The following RNLS variants were observed in gnomAD, a reference collection of about 807,000 sequenced individuals.
RNLS encodes the protein renalase, FAD dependent amine oxidase, also known as renalase.
RNLS carries 39 observed loss-of-function variants against 39.8 expected under a neutral mutation model. That is an observed-to-expected ratio of 0.98 (90% CI 0.76 to 1.28). RNLS has a LOEUF of 1.28. RNLS is among the 50% of genes most tolerant of loss of function. The pLI, the probability that RNLS is intolerant of heterozygous loss-of-function variation, is 0.00. For missense variants in RNLS, 410 were observed against 413.3 expected, an observed-to-expected ratio of 0.99 and a Z score of 0.07; for synonymous variants, 147 against 150.7, an observed-to-expected ratio of 0.98 and a Z score of 0.18.
intron 5 of RNLS, among the ~76,000 whole-genome samples, chr10:88,323,802 G>A (rs551103775): frequency 3.0e-4 from 46 of 152,188 alleles, no homozygotes; most frequent in African/African-American, 9.4e-4. Context: ...TTTACAGAAT[G>A]GGAGACAATA....
chr10:88,251,169 T>C, the RNLS span, among the ~76,000 whole-genome samples: 1 of 152,194 alleles, frequency 6.6e-6, no homozygotes, highest in Non-Finnish European at 1.5e-5. Context: ...ACGGGCAGAA[T>C]GATGCCTCTA....
chr10:88,453,725 G>A (rs915652921), intron 4 of RNLS, among the ~76,000 whole-genome samples: 7 of 152,162 alleles, frequency 4.6e-5, no homozygotes, highest in African/African-American at 1.7e-4. Flanking sequence ...CTGTTAACTA[G>A]CATTTTAGAA....
chr10:88,401,117 T>C (rs1852890554), intron 4 of RNLS, among the ~76,000 whole-genome samples: 1 of 151,932 alleles, frequency 6.6e-6, no homozygotes, highest in Admixed American at 6.6e-5. Flanking sequence ...ATGGTTGCCA[T>C]TGATTTGTAA....
At chr10:88,431,150 G>A (rs1428270216) in intron 4 of RNLS, among the ~76,000 whole-genome samples, 1 of 151,640 alleles carries the variant, frequency 6.6e-6, no homozygotes, top group Non-Finnish European at 1.5e-5. Context: ...AATTTCTTTA[G>A]TAGGTCTAGG....
intron 4 of RNLS, among the ~76,000 whole-genome samples, chr10:88,471,319 T>C (rs1440974053): frequency 4.7e-4 from 72 of 152,326 alleles, no homozygotes; most frequent in Admixed American, 4.6e-3. Context: ...GCCTTGGGTG[T>C]GGATTTCTAC....
At chr10:88,505,370 G>T (rs571158345) in intron 4 of RNLS, among the ~76,000 whole-genome samples, 30 of 148,916 alleles carry the variant, frequency 2.0e-4, no homozygotes, top group African/African-American at 7.3e-4. Flanking sequence ...TAGAGGAAGA[G>T]AGAGAAAGAG....
At position 88,476,773 on chromosome 10, in the gene RNLS, A is replaced by G. The variant is rs571592533; in HGVS notation, c.526+96130T>C. ...CAAATTCTTTTCATTATCTCTTTTT[A>G]AAAAACCTTCATGAAAGGGTTGAGA... On this transcript the variant is annotated intron_variant, in intron 4 of 6. Transcript: ENST00000331772. Among the ~76,000 whole-genome samples the G allele has an allele frequency of 2.6e-5, 4 of 152,280 alleles. No individual in the cohort carries two copies. The East Asian group carries it at 5.8e-4, about 22-fold the overall frequency.
chr10:88,370,928 GT>G (rs1487356471), intron 4 of RNLS, among the ~76,000 whole-genome samples: 1 of 152,128 alleles, frequency 6.6e-6, no homozygotes, highest in African/African-American at 2.4e-5. Context: ...TAGAAGCACA[GT>G]TTTAGAAATA....
the RNLS span, among the ~76,000 whole-genome samples, chr10:88,220,551 C>T: frequency 2.6e-3 from 402 of 152,266 alleles, 1 homozygote; most frequent in African/African-American, 9.2e-3. Context: ...AACAAGTTTA[C>T]GTAAAATCTT....
At chr10:88,357,554 C>T (rs2133339638) in intron 5 of RNLS, among the ~76,000 whole-genome samples, 1 of 152,296 alleles carries the variant, frequency 6.6e-6, no homozygotes, top group African/African-American at 2.4e-5. Context: ...TTATCATTCA[C>T]ACAGGTATAA....
chr10:88,488,815 T>C (rs1040962559), intron 4 of RNLS, among the ~76,000 whole-genome samples: 2 of 152,170 alleles, frequency 1.3e-5, no homozygotes, highest in Non-Finnish European at 2.9e-5. Context: ...ATTAAAATGT[T>C]TGAAGGAGGA....
chr10:88,312,312 T>G (rs1438769094), intron 6 of RNLS, among the ~76,000 whole-genome samples: 2 of 152,138 alleles, frequency 1.3e-5, no homozygotes, highest in Non-Finnish European at 2.9e-5. Context: ...GGTCTCAAGC[T>G]GAGGAATGTG....
chr10:88,353,503 C>G (rs556435326), intron 5 of RNLS, among the ~76,000 whole-genome samples: 1 of 152,294 alleles, frequency 6.6e-6, no homozygotes, highest in South Asian at 2.1e-4. Flanking sequence ...TGTTCAGTTT[C>G]CATGTAGTTG....
intron 4 of RNLS, among the ~76,000 whole-genome samples, chr10:88,431,735 T>A (rs1161109455): frequency 6.6e-6 from 1 of 151,734 alleles, no homozygotes; most frequent in African/African-American, 2.4e-5. Context: ...CTTGAGCTAT[T>A]TGGAAGTATG....
At chr10:88,537,126 G>A (rs1016651572) in intron 4 of RNLS, among the ~76,000 whole-genome samples, 1 of 152,150 alleles carries the variant, frequency 6.6e-6, no homozygotes, top group Non-Finnish European at 1.5e-5. Flanking sequence ...GAGGAATCCA[G>A]TAGCTATTTT....
intron 4 of RNLS, among the ~76,000 whole-genome samples, chr10:88,368,995 T>C (rs1336833201): frequency 6.6e-6 from 1 of 152,156 alleles, no homozygotes; most frequent in Admixed American, 6.5e-5. Flanking sequence ...ATTCTTCATA[T>C]GACTAAAAGC....
the RNLS span, among the ~76,000 whole-genome samples, chr10:88,250,161 T>G: frequency 6.6e-6 from 1 of 152,248 alleles, no homozygotes; most frequent in Admixed American, 6.5e-5. Context: ...TTCTAATCAC[T>G]TTGTTTCTCT....
chr10:88,225,508 G>A, the RNLS span, among the ~76,000 whole-genome samples: 7 of 152,188 alleles, frequency 4.6e-5, no homozygotes, highest in Admixed American at 6.5e-5. Flanking sequence ...AAGTCCAGGA[G>A]TTTGAGACCA....
chr10:88,427,887 TC>T (rs1160330455), intron 4 of RNLS, among the ~76,000 whole-genome samples: 1 of 151,930 alleles, frequency 6.6e-6, no homozygotes, highest in Non-Finnish European at 1.5e-5. Context: ...TTAAGTAAGT[TC>T]CTCCCAGTCA....
Sources: gnomAD v4.1 joint callset for allele counts (sites outside exome capture counted in the v4.1 genomes callset) on GRCh38, gnomAD v4.1.1 for gene constraint, MANE v1.5 for transcripts, NCBI Gene and HGNC (gene_info 2026-07-23, HGNC 2026-07-21) for gene names.